Variants in TFEB observed in about 807,000 individuals in gnomAD.
The protein encoded by TFEB is transcription factor EB.
TFEB carries 12 observed loss-of-function variants against 48.0 expected under a neutral mutation model. The observed-to-expected ratio is 0.25, with a 90% CI of 0.16 to 0.40. The LOEUF (loss-of-function observed/expected upper bound fraction) is 0.40. TFEB is among the 10% of genes least tolerant of loss of function. The pLI is 1.00. For missense variants in TFEB, 509 were observed against 640.3 expected (o/e 0.79, Z 2.21); for synonymous variants, 244 against 261.4 (o/e 0.93, Z 0.64).
rs1486817882 is a variant in TFEB at position 41,730,071 on chromosome 6, G to A, written c.-23+5279C>T. On this transcript the variant is annotated intron_variant, in intron 1 of 8. Transcript: ENST00000373033. The surrounding 1 kb of genome is among the most constrained non-coding windows in gnomAD (Gnocchi z 4.1). ...ATTCCTCCAGGGAGTTCTCATGCAT[G>A]CCCAAATTTGAGAACCACTGCCCTA... Among the ~76,000 whole-genome samples, 2 of 151,946 alleles carry A rather than the reference G, an allele frequency of 1.3e-5. No homozygotes were observed. The highest frequency in any genetic ancestry group is 4.8e-5 in the African/African-American group (2 of 41,316).
At chr6:41,697,503 A>ACCC (rs11414992) in intron 1 of TFEB, among the ~76,000 whole-genome samples, 5 of 129,394 alleles carry the variant, frequency 3.9e-5, no homozygotes, top group Admixed American at 7.9e-5. Context: ...CCTTCTCCAA[A>ACCC]CCCCCCCCCT....
At position 41,691,047 on chromosome 6, in the gene TFEB, G is replaced by C. The variant is rs749744873; in HGVS notation, c.167C>G (p.Pro56Arg). 5 of 1,574,832 alleles carry C rather than the reference G, an allele frequency of 3.2e-6. No individual in the cohort carries two copies. The highest frequency in any genetic ancestry group is 1.7e-4 in the Middle Eastern group (1 of 6,006). The change falls in exon 2 of 9, where the codon CCC (proline) becomes CGC (arginine). Residue 56 changes from proline (P) to arginine (R), a missense_variant. By Grantham distance (103) the Pro-to-Arg change is moderately radical. Transcript: ENST00000373033. This position sits in a 1 kb window ranked among gnomAD's most constrained non-coding sequence, Gnocchi z 5.2. ...AGGTGGTGGCGACTGGAAGTGGACG[G>C]GGGTATTGATGGCCGGGGTGGGCGG... Reference protein sequence around the residue: ...GGPPTPAINTPVHFQSPPPVP... With the variant: ...GGPPTPAINTRVHFQSPPPVP...
At chr6:41,705,474 G>A (rs761899296) in intron 1 of TFEB, among the ~76,000 whole-genome samples, 10 of 152,090 alleles carry the variant, frequency 6.6e-5, no homozygotes, top group Non-Finnish European at 1.5e-4. Context: ...CAGCCATACC[G>A]CAAGGCCTGT....
rs150973706 is a variant in TFEB at position 41,705,312 on chromosome 6, G to A, written c.-22-14077C>T. 2.0e-4 allele frequency among the ~76,000 whole-genome samples: 30 copies of A among 152,200 alleles called. No homozygotes were observed. The East Asian group carries it at 4.6e-3, about 24-fold the overall frequency. On this transcript the variant is annotated intron_variant, in intron 1 of 8. Coordinates refer to ENST00000373033, the MANE Select transcript of TFEB (RefSeq NM_001271944.2). The stretch of plus-strand genomic sequence containing the variant: ...TCCATCTGAACAATGAGAAACCTAC[G>A]TCCTGCCCACCTGAGGTTGGCAAGG...
intron 1 of TFEB, among the ~76,000 whole-genome samples, chr6:41,707,011 A>C (rs1312708575): frequency 2.0e-5 from 3 of 152,002 alleles, no homozygotes; most frequent in Admixed American, 6.5e-5. Context: ...CTCTTTCATC[A>C]TCATTCTCTT....
At chr6:41,726,699 A>C (rs1771227106) in intron 1 of TFEB, among the ~76,000 whole-genome samples, 1 of 152,174 alleles carries the variant, frequency 6.6e-6, no homozygotes, top group South Asian at 2.1e-4. Context: ...TTAGCCTCAC[A>C]AAGTGCTGGG....
At chr6:41,711,593 A>G (rs1770477234) in intron 1 of TFEB, among the ~76,000 whole-genome samples, 3 of 152,102 alleles carry the variant, frequency 2.0e-5, no homozygotes, top group Admixed American at 2.0e-4. Context: ...CTTTGCTAAG[A>G]GCGCTGAGGT....
chr6:41,695,713 G>A (rs550350820), intron 1 of TFEB, among the ~76,000 whole-genome samples: 18 of 152,344 alleles, frequency 1.2e-4, no homozygotes, highest in Non-Finnish European at 2.2e-4. Flanking sequence ...GGCAATGGAG[G>A]GGGAGGGATA....
In TFEB at chr6:41,685,059, C is replaced by G; in HGVS notation, c.971G>C (p.Arg324Pro). ...GGAGGTGGTAGGGAGGCCGTGCACT[C>G]GAGCCTGCATCTCCAGCTCCTGCAG... is the stretch of plus-strand genomic sequence containing the variant. ...LRIQELEMQA[R>P]VHGLPTTSPS... The change falls in exon 9 of 9, where the codon CGA becomes CCA. Residue 324 changes from arginine (R) to proline (P), a missense_variant. This residue lies in a region of TFEB where 62 missense variants were observed against 90.2 expected (regional missense o/e 0.69). Coordinates refer to ENST00000373033, the MANE Select transcript of TFEB (RefSeq NM_001271944.2). 1 of 1,453,764 alleles carries G rather than the reference C, an allele frequency of 6.9e-7. No homozygotes were observed. The highest frequency in any genetic ancestry group is 9.1e-7 in the Non-Finnish European group (1 of 1,100,522). The allele number at this position is 1,453,764 out of a possible 1,614,324, so 90.1% of individuals were successfully genotyped here.
intron 1 of TFEB, among the ~76,000 whole-genome samples, chr6:41,694,444 G>A (rs941823456): frequency 1.3e-5 from 2 of 152,128 alleles, no homozygotes; most frequent in Admixed American, 6.5e-5. Flanking sequence ...CACAAAGCTT[G>A]TCCTCCAGTG....
intron 1 of TFEB, among the ~76,000 whole-genome samples, chr6:41,692,601 G>A (rs1280507708): frequency 6.6e-6 from 1 of 152,204 alleles, no homozygotes; most frequent in Admixed American, 6.5e-5. Flanking sequence ...CTACAGCTTG[G>A]CCCACTCTGT....
At chr6:41,697,510 C>G (rs1561856697) in intron 1 of TFEB, among the ~76,000 whole-genome samples, 1 of 151,108 alleles carries the variant, frequency 6.6e-6, no homozygotes, top group East Asian at 1.9e-4. Context: ...CAAACCCCCC[C>G]CCTTCCCCAA....
intron 1 of TFEB, among the ~76,000 whole-genome samples, chr6:41,726,424 G>A (rs192932135): frequency 6.6e-6 from 1 of 152,278 alleles, no homozygotes. Context: ...TTATTCACCT[G>A]GGTGATGGTT....
chr6:41,711,317 C>G (rs1234667525), intron 1 of TFEB, among the ~76,000 whole-genome samples: 1 of 152,228 alleles, frequency 6.6e-6, no homozygotes, highest in African/African-American at 2.4e-5. Context: ...CCCACACAGG[C>G]TCCAGGTAGA....
At position 41,719,243 on chromosome 6, in the gene TFEB, C is replaced by T. The variant is rs529846258; in HGVS notation, c.-23+16107G>A. On this transcript the variant is annotated intron_variant, in intron 1 of 8. Transcript: ENST00000373033. Reference sequence around the variant, plus strand: ...ATGGGACCGTCTAGTGGCAGGAAAACAAGCTCAGGGCTCCCACCAATTGTA... The same window carrying T: ...ATGGGACCGTCTAGTGGCAGGAAAATAAGCTCAGGGCTCCCACCAATTGTA... Among the ~76,000 whole-genome samples, 201 of 152,266 alleles carry T rather than the reference C, an allele frequency of 1.3e-3. 1 individual carries two copies. The highest frequency in any genetic ancestry group is 4.7e-3 in the African/African-American group (196 of 41,538).
chr6:41,707,076 G>A (rs1770263537), intron 1 of TFEB, among the ~76,000 whole-genome samples: 1 of 152,022 alleles, frequency 6.6e-6, no homozygotes, highest in Non-Finnish European at 1.5e-5. Flanking sequence ...GCTCAGAGCT[G>A]CTCTGCTTTC....
At chr6:41,687,286 T>A in intron 6 of TFEB, 117 bp from the exon 7 acceptor site, 2 of 896,660 alleles carry the variant, frequency 2.2e-6, no homozygotes, top group Non-Finnish European at 3.6e-6. Flanking sequence ...TTAGATTTAG[T>A]TCTTCCAGGA....
At chr6:41,710,848 T>C (rs1296178635) in intron 1 of TFEB, among the ~76,000 whole-genome samples, 1 of 152,104 alleles carries the variant, frequency 6.6e-6, no homozygotes, top group African/African-American at 2.4e-5. Flanking sequence ...CTCCAGGGTC[T>C]CCTCCTCCTC....
chr6:41,716,852 C>G (rs145623531), intron 1 of TFEB, among the ~76,000 whole-genome samples: 2 of 152,336 alleles, frequency 1.3e-5, no homozygotes, highest in Non-Finnish European at 2.9e-5. Context: ...TGGCCTACCC[C>G]CTGGCCCATC....
Sources: allele counts gnomAD v4.1 joint callset (sites outside exome capture counted in the v4.1 genomes callset), GRCh38; gene constraint gnomAD v4.1.1; regional missense constraint gnomAD v4.1.1; non-coding constraint Gnocchi (gnomAD v3.1); transcripts MANE v1.5; gene names NCBI Gene and HGNC (gene_info 2026-07-23, HGNC 2026-07-21).